Variants in GASK1B observed in about 807,000 individuals in gnomAD.
The protein encoded by GASK1B is Golgi-associated kinase 1B.
A neutral mutation model predicts 42.8 loss-of-function variants in GASK1B; 34 were observed. The observed-to-expected ratio is 0.79, with a 90% CI of 0.60 to 1.06. GASK1B has a LOEUF of 1.06. GASK1B is among the 50% of genes least tolerant of loss of function. GASK1B has a pLI of 0.00. For synonymous variants in GASK1B, 262 were observed against 259.1 expected, an observed-to-expected ratio of 1.01 and a Z score of -0.11; for missense variants, 686 against 661.0, an observed-to-expected ratio of 1.04 and a Z score of -0.42.
intron 3 of GASK1B, among the ~76,000 whole-genome samples, chr4:158,146,141 A>G (rs1005714286): frequency 5.5e-4 from 37 of 66,676 alleles, no homozygotes; most frequent in Non-Finnish European, 1.3e-3. Context: ...TAATATAACT[A>G]GTTGTTTTTT....
rs745853596 is a variant in GASK1B, at chr4:158,171,339, A to C, written c.37T>G (p.Trp13Gly). Residue 13 changes from tryptophan to glycine, a missense_variant, in exon 2 of 5, where the codon TGG becomes GGG. Physicochemically the swap from Trp to Gly is radical, Grantham distance 184. Transcript: ENST00000585682. ...GGGACGCACAGGGAGCAGATGAACC[A>C]GTTTATGAGCTGCCCCGGCTTGTCT... ...CPDKPGQLIN[W>G]FICSLCVPRV... The C allele has an allele frequency of 5.0e-6, 8 of 1,608,320 alleles. No homozygotes were observed. The South Asian group carries it at 8.9e-5, about 18-fold the overall frequency.
chr4:158,152,579 A>G (rs529833559), intron 3 of GASK1B, among the ~76,000 whole-genome samples: 2 of 152,280 alleles, frequency 1.3e-5, no homozygotes, highest in African/African-American at 2.4e-5. Flanking sequence ...ATCCCTGATG[A>G]GCAAAGATGC....
chr4:158,130,712 TG>T, intron 4 of GASK1B, 73 bp downstream of exon 4: 1 of 1,092,216 alleles, frequency 9.2e-7, no homozygotes, highest in East Asian at 2.4e-5. Context: ...AGATGTAAGA[TG>T]TGAGTTTTCT....
intron 3 of GASK1B, among the ~76,000 whole-genome samples, chr4:158,149,839 C>A (rs1731478250): frequency 6.7e-6 from 1 of 149,410 alleles, no homozygotes; most frequent in Non-Finnish European, 1.5e-5. Context: ...TAGGAACTTA[C>A]TAACTATGTA....
intron 3 of GASK1B, among the ~76,000 whole-genome samples, chr4:158,132,683 T>C (rs4582199): frequency 0.89 from 135,646 of 152,202 alleles, 61,371 homozygotes; most frequent in East Asian, 0.98. Context: ...CTATGAAGTT[T>C]ATGTAAAGCT....
intron 2 of GASK1B, among the ~76,000 whole-genome samples, chr4:158,156,273 G>A (rs1731756957): frequency 6.6e-6 from 1 of 152,072 alleles, no homozygotes; most frequent in Admixed American, 6.6e-5. Flanking sequence ...TATGATGTCA[G>A]GAAGAAAAAG....
At chr4:158,130,580 T>C (rs1730635585) in intron 4 of GASK1B, among the ~76,000 whole-genome samples, 1 of 152,142 alleles carries the variant, frequency 6.6e-6, no homozygotes, top group Admixed American at 6.6e-5. Context: ...GTAGGCGGTA[T>C]TGGTTGTTGA....
At chr4:158,164,986 G>A (rs1732170521) in intron 2 of GASK1B, among the ~76,000 whole-genome samples, 1 of 152,182 alleles carries the variant, frequency 6.6e-6, no homozygotes, top group Non-Finnish European at 1.5e-5. Context: ...AAGTGTGTGG[G>A]GTGCCTGCAG....
intron 3 of GASK1B, among the ~76,000 whole-genome samples, chr4:158,140,484 A>G (rs367668127): frequency 4.3e-4 from 66 of 152,334 alleles, no homozygotes; most frequent in African/African-American, 1.5e-3. Context: ...TACAAAAACC[A>G]TATACATTGA....
Position 158,171,298 on chromosome 4 carries a change from G to A in GASK1B, c.78C>T (p.Leu26=), listed in dbSNP as rs755242225. 4 of 1,613,426 alleles carry A rather than the reference G, an allele frequency of 2.5e-6. No individual in the cohort carries two copies. The South Asian group carries it at 4.4e-5, about 18-fold the overall frequency. ...GGGTCCTTGGACGCCGGCTGCTCCA[G>A]AGCTTACGCACCCGCGGGACGCACA... ...CSLCVPRVRK[L]WSSRRPRTRR... is the part of the protein sequence containing the mutation. The change falls in exon 2 of 5, where the codon CTC becomes CTT. Residue 26 remains leucine, a synonymous_variant. Coordinates refer to ENST00000585682, the MANE Select transcript of GASK1B (RefSeq NM_001128424.2).
rs1160803462 is a variant in GASK1B at position 158,127,269 on chromosome 4, C to A, written c.*138G>T. The A allele has an allele frequency of 4.3e-6, 3 of 699,760 alleles. No homozygotes were observed. Among genetic ancestry groups the A allele is most frequent in the Admixed American group, 2.6e-5 (1 of 38,908 alleles). The allele number at this position is 699,760 out of a possible 1,614,324, so 43.3% of individuals were successfully genotyped here. A position where few individuals can be genotyped will look rare whatever the true frequency, so the allele number is the denominator to read the frequency against. ...ACAGTGCTAAGTCCCATTATAGCTA[C>A]TTGGTTAAAGTCATTTATTTTACGT... is the stretch of plus-strand genomic sequence containing the variant. On this transcript the variant is annotated 3_prime_UTR_variant, in exon 5 of 5. Coordinates refer to ENST00000585682, the MANE Select transcript of GASK1B (RefSeq NM_001128424.2).
chr4:158,153,154 C>T (rs749762795), intron 3 of GASK1B, among the ~76,000 whole-genome samples: 2 of 152,138 alleles, frequency 1.3e-5, no homozygotes, highest in Non-Finnish European at 2.9e-5. Context: ...AGTAAAGCTT[C>T]GGGATACAAA....
intron 4 of GASK1B, among the ~76,000 whole-genome samples, chr4:158,128,772 T>C (rs1160791301): frequency 1.3e-5 from 2 of 152,154 alleles, no homozygotes; most frequent in African/African-American, 4.8e-5. Flanking sequence ...TTGCTTAATG[T>C]GTGTGAGGAA....
At chr4:158,140,213 T>G (rs1731061632) in intron 3 of GASK1B, among the ~76,000 whole-genome samples, 1 of 152,210 alleles carries the variant, frequency 6.6e-6, no homozygotes, top group African/African-American at 2.4e-5. Flanking sequence ...CCTTATGGAC[T>G]CGCAGAAAGG....
chr4:158,153,331 C>T (rs1191491012), intron 3 of GASK1B, among the ~76,000 whole-genome samples: 3 of 152,168 alleles, frequency 2.0e-5, no homozygotes, highest in African/African-American at 4.8e-5. Context: ...AACTACAAAA[C>T]ACTGCTGAAA....
chr4:158,132,968 T>C (rs1324642669), intron 3 of GASK1B, among the ~76,000 whole-genome samples: 1 of 152,182 alleles, frequency 6.6e-6, no homozygotes, highest in Non-Finnish European at 1.5e-5. Flanking sequence ...AGCAAATCAC[T>C]GTAGGTTAGA....
intron 3 of GASK1B, among the ~76,000 whole-genome samples, chr4:158,141,530 G>A (rs752957878): frequency 2.7e-5 from 4 of 150,248 alleles, no homozygotes; most frequent in Admixed American, 6.6e-5. Context: ...TAAAAGTCAA[G>A]TCTCCACTAG....
chr4:158,141,924 T>C (rs1467481886), intron 3 of GASK1B, among the ~76,000 whole-genome samples: 2 of 2,256 alleles, frequency 8.9e-4, no homozygotes, highest in African/African-American at 1.6e-3. Context: ...TGGTTTCTTT[T>C]TTTTTTTTTT....
At chr4:158,128,917 T>A (rs1037810898) in intron 4 of GASK1B, among the ~76,000 whole-genome samples, 1 of 152,218 alleles carries the variant, frequency 6.6e-6, no homozygotes, top group Admixed American at 6.5e-5. Flanking sequence ...ATCCATGAAT[T>A]GTCAATTCTA....
Sources: allele counts gnomAD v4.1 joint callset (sites outside exome capture counted in the v4.1 genomes callset), GRCh38; gene constraint gnomAD v4.1.1; transcripts MANE v1.5; gene names NCBI Gene and HGNC (gene_info 2026-07-23, HGNC 2026-07-21).